Variants in ARHGAP26 observed in about 807,000 individuals in gnomAD.
ARHGAP26 encodes Rho GTPase activating protein 26.
In ARHGAP26, 38 loss-of-function variants were observed where a neutral mutation model predicts 104.8. The observed-to-expected ratio is 0.36, with a 90% CI of 0.28 to 0.48. The LOEUF (loss-of-function observed/expected upper bound fraction) is 0.48. Ranked by LOEUF, ARHGAP26 falls within the 20% of genes least tolerant of loss-of-function variation. The pLI, the probability that ARHGAP26 is intolerant of heterozygous loss-of-function variation, is 0.99. For synonymous variants in ARHGAP26, 341 were observed against 340.0 expected (o/e 1.00, Z -0.03); for missense variants, 704 against 947.9 (o/e 0.74, Z 3.38).
intron 11 of ARHGAP26, among the ~76,000 whole-genome samples, chr5:143,008,832 CAT>C (rs1217459155): frequency 4.6e-5 from 7 of 152,140 alleles, no homozygotes; most frequent in African/African-American, 1.4e-4. Context: ...TAAAGGTACT[CAT>C]AGAAAAATTC....
chr5:143,123,523 C>T (rs1024175568), intron 18 of ARHGAP26, among the ~76,000 whole-genome samples: 11 of 152,138 alleles, frequency 7.2e-5, no homozygotes, highest in African/African-American at 2.4e-4. Context: ...ATTTTATGTC[C>T]TCAGAAGGAT....
chr5:142,810,846 A>G (rs533819102), intron 1 of ARHGAP26, among the ~76,000 whole-genome samples: 7 of 152,374 alleles, frequency 4.6e-5, no homozygotes, highest in Non-Finnish European at 8.8e-5. Context: ...GTTGATATGT[A>G]AACTCTAGTG....
chr5:143,014,811 A>G (rs1409504744), intron 12 of ARHGAP26, among the ~76,000 whole-genome samples: 1 of 152,180 alleles, frequency 6.6e-6, no homozygotes, highest in Non-Finnish European at 1.5e-5. Flanking sequence ...GGTGTATAGG[A>G]GAAAAAACAA....
At chr5:143,126,704 G>GA (rs1338354954) in intron 18 of ARHGAP26, among the ~76,000 whole-genome samples, 1 of 152,112 alleles carries the variant, frequency 6.6e-6, no homozygotes, top group Non-Finnish European at 1.5e-5. Context: ...ACTCCTTACC[G>GA]TGGACTCTCC....
At chr5:142,924,639 G>T (rs1763648316) in intron 10 of ARHGAP26, among the ~76,000 whole-genome samples, 1 of 152,168 alleles carries the variant, frequency 6.6e-6, no homozygotes, top group South Asian at 2.1e-4. Flanking sequence ...TCTCTCACCT[G>T]TACCACACCC....
At chr5:143,109,524 A>G (rs1406754441) in intron 17 of ARHGAP26, among the ~76,000 whole-genome samples, 2 of 151,780 alleles carry the variant, frequency 1.3e-5, no homozygotes, top group Non-Finnish European at 2.9e-5. Flanking sequence ...GTGCGATCTC[A>G]GCTCACTGCA....
intron 20 of ARHGAP26, among the ~76,000 whole-genome samples, chr5:143,174,655 A>G (rs1803233405): frequency 6.6e-6 from 1 of 152,230 alleles, no homozygotes; most frequent in Non-Finnish European, 1.5e-5. Context: ...AAGTTGAAAC[A>G]TATTCATATA....
chr5:143,120,437 A>G (rs1421598750), intron 17 of ARHGAP26, among the ~76,000 whole-genome samples: 1 of 152,250 alleles, frequency 6.6e-6, no homozygotes, highest in Non-Finnish European at 1.5e-5. Flanking sequence ...AATGTGAGCC[A>G]TATGTTTAAT....
At position 142,995,005 on chromosome 5, in the gene ARHGAP26, A is replaced by G. The variant is rs142303319; in HGVS notation, c.1108-19075A>G. ...AAAACTGAAACTTACACCTTATACA[A>G]AAATTAACTCCAGATGGATTAAAGA... On this transcript the variant is annotated intron_variant, in intron 11 of 22. Transcript: ENST00000645722. Among the ~76,000 whole-genome samples, 765 of 152,356 alleles carry G rather than the reference A, an allele frequency of 5.0e-3. 4 individuals carry two copies. Among genetic ancestry groups the G allele is most frequent in the Admixed American group, 8.2e-3 (126 of 15,304 alleles).
intron 13 of ARHGAP26, chr5:143,041,601 G>A (rs1783471545): frequency 1.9e-6 from 1 of 524,036 alleles, no homozygotes; most frequent in Middle Eastern, 4.7e-4. Flanking sequence ...CATGAGGGCT[G>A]AAGTGTGCAG....
intron 1 of ARHGAP26, among the ~76,000 whole-genome samples, chr5:142,807,403 A>G (rs1157299491): frequency 6.6e-6 from 1 of 152,258 alleles, no homozygotes; most frequent in Non-Finnish European, 1.5e-5. Context: ...CTCTCAGATC[A>G]GCAGTTTCTA....
chr5:143,105,043 T>C (rs1035820097), intron 17 of ARHGAP26, among the ~76,000 whole-genome samples: 4 of 152,102 alleles, frequency 2.6e-5, no homozygotes, highest in East Asian at 1.9e-4. Context: ...CCCCTAACGA[T>C]AGCACTGAAA....
At chr5:142,873,252 T>C in intron 1 of ARHGAP26, 148 bp from the exon 2 acceptor site, 1 of 603,062 alleles carries the variant, frequency 1.7e-6, no homozygotes, top group Non-Finnish European at 2.9e-6. Flanking sequence ...TGTTGACTAT[T>C]TTGAATTTAT....
chr5:143,122,503 A>G (rs1796257136), intron 18 of ARHGAP26, among the ~76,000 whole-genome samples: 1 of 152,212 alleles, frequency 6.6e-6, no homozygotes, highest in Non-Finnish European at 1.5e-5. Flanking sequence ...TTCATATCAA[A>G]AGACAAAATC....
intron 20 of ARHGAP26, among the ~76,000 whole-genome samples, chr5:143,148,125 G>C (rs886083664): frequency 6.6e-6 from 1 of 152,124 alleles, no homozygotes; most frequent in African/African-American, 2.4e-5. Context: ...GGCCATGACC[G>C]GAACAGTTGG....
chr5:142,902,185 G>A, intron 7 of ARHGAP26, 146 bp downstream of exon 7: 1 of 628,998 alleles, frequency 1.6e-6, no homozygotes, highest in Non-Finnish European at 2.8e-6. Context: ...CTAGGGGCAG[G>A]CGTTTCTAGA....
intron 1 of ARHGAP26, among the ~76,000 whole-genome samples, chr5:142,778,845 A>G (rs544844377): frequency 5.3e-5 from 8 of 151,844 alleles, no homozygotes; most frequent in African/African-American, 1.9e-4. Flanking sequence ...AGTATGTTAG[A>G]TTGTTTCTGA....
At chr5:142,824,144 G>T (rs1002926034) in intron 1 of ARHGAP26, among the ~76,000 whole-genome samples, 3 of 152,296 alleles carry the variant, frequency 2.0e-5, no homozygotes, top group Admixed American at 6.5e-5. Context: ...GTGTATGTGT[G>T]TGTGTGTGTA....
intron 11 of ARHGAP26, among the ~76,000 whole-genome samples, chr5:142,962,073 A>G (rs1260157730): frequency 2.6e-5 from 4 of 152,212 alleles, no homozygotes; most frequent in Admixed American, 6.5e-5. Context: ...AGAAACTTCA[A>G]AAGCAAAGCA....
Sources: gnomAD v4.1 joint callset for allele counts (sites outside exome capture counted in the v4.1 genomes callset) on GRCh38, gnomAD v4.1.1 for gene constraint, MANE v1.5 for transcripts, NCBI Gene and HGNC (gene_info 2026-07-23, HGNC 2026-07-21) for gene names.